The following CDKL1 variants were observed in gnomAD, a reference collection of about 807,000 sequenced individuals.
The protein encoded by CDKL1 is cyclin dependent kinase like 1, also known as cyclin-dependent kinase-like 1.
Under a neutral mutation model 42.0 loss-of-function variants are expected in CDKL1, and 41 were observed. The ratio of observed to expected loss-of-function variants is 0.98; its 90% CI spans 0.76 to 1.27. CDKL1 has a LOEUF of 1.27. CDKL1 is among the 50% of genes most tolerant of loss of function. CDKL1 has a pLI of 0.00. For missense variants in CDKL1, 394 were observed against 428.4 expected, an observed-to-expected ratio of 0.92 and a Z score of 0.71; for synonymous variants, 153 against 158.6, an observed-to-expected ratio of 0.96 and a Z score of 0.26.
rs1721872630 is a variant in CDKL1, at chr14:50,395,934, C to T, written c.-66G>A. ...GAATGGTGGCTCACGCCTGTAATCC[C>T]AGCACTTTGGGAGGCTGAGGCGGGC... On this transcript the variant is annotated 5_prime_UTR_variant, in exon 2 of 10. Transcript: ENST00000395834. The T allele has an allele frequency of 6.7e-7, 1 of 1,497,708 alleles. No homozygotes were observed. The allele number at this position is 1,497,708 out of a possible 1,614,324, so 92.8% of individuals were successfully genotyped here. A position where few individuals can be genotyped will look rare whatever the true frequency, so the allele number is the denominator to read the frequency against.
intron 2 of CDKL1, among the ~76,000 whole-genome samples, chr14:50,380,823 C>T (rs539816866): frequency 5.5e-5 from 3 of 54,228 alleles, no homozygotes; most frequent in African/African-American, 1.9e-4. Flanking sequence ...GGGACAGAGC[C>T]TTGTTCTGTC....
chr14:50,336,141 C>G (rs771694724), intron 7 of CDKL1: 1 of 1,365,550 alleles, frequency 7.3e-7, no homozygotes, highest in East Asian at 4.6e-5. Flanking sequence ...CTGTGATACG[C>G]TGGAGCCCAT....
intron 3 of CDKL1, among the ~76,000 whole-genome samples, chr14:50,345,778 A>G (rs1595288023): frequency 6.6e-6 from 1 of 152,154 alleles, no homozygotes; most frequent in East Asian, 1.9e-4. Flanking sequence ...GCCCAGGTAC[A>G]TCTTTCTACT....
intron 4 of CDKL1, chr14:50,342,794 G>T: frequency 2.0e-6 from 2 of 1,008,988 alleles, no homozygotes; most frequent in Non-Finnish European, 2.6e-6. Context: ...CCCTGGGCCT[G>T]CTGAGATAAG....
chr14:50,360,462 C>A (rs1038044388), intron 2 of CDKL1, among the ~76,000 whole-genome samples: 1 of 152,090 alleles, frequency 6.6e-6, no homozygotes, highest in Non-Finnish European at 1.5e-5. Flanking sequence ...GGCTGGAGTG[C>A]AGTGGTGAGA....
intron 3 of CDKL1, among the ~76,000 whole-genome samples, chr14:50,355,054 G>C (rs1188180133): frequency 1.3e-5 from 2 of 151,570 alleles, no homozygotes; most frequent in Non-Finnish European, 2.9e-5. Flanking sequence ...TTTTATTATA[G>C]TATAATTTTT....
rs757435536 is a variant in CDKL1 at position 50,395,729 on chromosome 14, A to G, written c.140T>C (p.Ile47Thr). ...ESEDDPVIKK[I>T]ALREIRMLKQ... Reference sequence around the variant, plus strand: ...GAGCATTCGGATTTCCCGAAGGGCAATTTTCTTTATGACAGGGTCATCTTC... The same window carrying G: ...GAGCATTCGGATTTCCCGAAGGGCAGTTTTCTTTATGACAGGGTCATCTTC... The change falls in exon 2 of 10, where the codon ATT becomes ACT. Residue 47 changes from isoleucine to threonine, a missense_variant. Coordinates refer to ENST00000395834, the MANE Select transcript of CDKL1 (RefSeq NM_004196.7). 3 of 1,613,054 alleles carry G rather than the reference A, an allele frequency of 1.9e-6. No homozygotes were observed. The highest frequency in any genetic ancestry group is 2.2e-5 in the East Asian group (1 of 44,868).
At chr14:50,364,307 A>G (rs1470544688) in intron 2 of CDKL1, among the ~76,000 whole-genome samples, 2 of 152,138 alleles carry the variant, frequency 1.3e-5, no homozygotes, top group Non-Finnish European at 2.9e-5. Flanking sequence ...TGTCTCTACT[A>G]AAACTACAAA....
chr14:50,360,854 C>T (rs2034224898), intron 2 of CDKL1, among the ~76,000 whole-genome samples: 1 of 150,684 alleles, frequency 6.6e-6, no homozygotes, highest in African/African-American at 2.5e-5. Flanking sequence ...AACGTTATGT[C>T]CTCAAGGCTC....
Position 50,342,228 on chromosome 14 carries a change from G to T in CDKL1, c.364-6C>A. The T allele has an allele frequency of 1.2e-6, 2 of 1,610,308 alleles. No individual in the cohort carries two copies. The highest frequency in any genetic ancestry group is 1.7e-6 in the Non-Finnish European group (2 of 1,176,658). On this transcript the variant is annotated splice_region_variant and splice_polypyrimidine_tract_variant and intron_variant, in intron 4 of 9. Transcript: ENST00000395834. Reference sequence around the variant, plus strand: ...TTCACGTCTCTATGTATGCACTAGTGTAACAAATCAAAACAAAAACAATAT... The same window carrying T: ...TTCACGTCTCTATGTATGCACTAGTTTAACAAATCAAAACAAAAACAATAT...
At chr14:50,330,311 C>T in intron 9 of CDKL1, 130 bp from the exon 10 acceptor site, 1 of 1,129,624 alleles carries the variant, frequency 8.9e-7, no homozygotes, top group South Asian at 1.7e-5. Context: ...CAATCCAGGA[C>T]TTGAGAGAGG....
At chr14:50,374,329 A>G (rs1017458153) in intron 2 of CDKL1, among the ~76,000 whole-genome samples, 5 of 152,238 alleles carry the variant, frequency 3.3e-5, no homozygotes, top group African/African-American at 1.2e-4. Flanking sequence ...ACTATTCTAT[A>G]TGATACTGTA....
intron 2 of CDKL1, among the ~76,000 whole-genome samples, chr14:50,359,674 G>A (rs954380028): frequency 2.6e-5 from 4 of 151,816 alleles, no homozygotes; most frequent in African/African-American, 9.7e-5. Context: ...CGGCATCAGG[G>A]TCTGTGTTCT....
chr14:50,349,768 T>G (rs1307340445), intron 3 of CDKL1, among the ~76,000 whole-genome samples: 1 of 151,866 alleles, frequency 6.6e-6, no homozygotes, highest in African/African-American at 2.4e-5. Flanking sequence ...TTGTTGTTTG[T>G]TTTTTGTTTT....
intron 2 of CDKL1, chr14:50,380,035 T>C: frequency 6.5e-6 from 3 of 464,638 alleles, no homozygotes; most frequent in South Asian, 4.7e-5. Context: ...GAATCCATTC[T>C]TGAGATAACT....
intron 2 of CDKL1, chr14:50,378,354 C>T (rs1443639032): frequency 1.5e-6 from 2 of 1,366,416 alleles, no homozygotes; most frequent in South Asian, 2.3e-5. Flanking sequence ...TAACTGCACT[C>T]AAGAATGACA....
intron 4 of CDKL1, chr14:50,343,017 T>G (rs2033603530): frequency 1.5e-6 from 2 of 1,353,726 alleles, no homozygotes; most frequent in Admixed American, 2.0e-5. Context: ...TCAAATCACC[T>G]GTGGTTTCCA....
intron 2 of CDKL1, among the ~76,000 whole-genome samples, chr14:50,389,910 G>A (rs1000154456): frequency 1.3e-5 from 2 of 152,176 alleles, no homozygotes; most frequent in Non-Finnish European, 2.9e-5. Context: ...GGGACAGACA[G>A]AACTGTGTCT....
chr14:50,337,312 A>G (rs191034944), intron 7 of CDKL1, among the ~76,000 whole-genome samples: 3 of 146,826 alleles, frequency 2.0e-5, no homozygotes, highest in Non-Finnish European at 3.0e-5. Flanking sequence ...CCCAGCCTAC[A>G]CTGTTTTATA....
Sources: allele counts gnomAD v4.1 joint callset (sites outside exome capture counted in the v4.1 genomes callset), GRCh38; gene constraint gnomAD v4.1.1; transcripts MANE v1.5; gene names NCBI Gene and HGNC (gene_info 2026-07-23, HGNC 2026-07-21).